Variants in RSBN1 observed in about 807,000 individuals in gnomAD.
The protein encoded by RSBN1 is lysine-specific demethylase 9.
In RSBN1, 23 loss-of-function variants were observed where a neutral mutation model predicts 74.8. The observed-to-expected ratio is 0.31, with a 90% CI of 0.22 to 0.44. RSBN1 has a LOEUF of 0.44. RSBN1 is among the 20% of genes least tolerant of loss of function. The probability of loss-of-function intolerance (pLI) is 1.00; values close to 1 mark genes in which losing one functional copy is unlikely to be tolerated. For synonymous variants in RSBN1, 407 were observed against 379.6 expected (o/e 1.07, Z -0.84); for missense variants, 808 against 1,020.9 (o/e 0.79, Z 2.84).
chr1:113,770,818 T>C (rs948396031), intron 4 of RSBN1, among the ~76,000 whole-genome samples: 2 of 151,912 alleles, frequency 1.3e-5, no homozygotes, highest in Middle Eastern at 3.4e-3. Context: ...AAAGAAAGGT[T>C]AGAAGACAAA....
chr1:113,792,473 C>T (rs1264979732), intron 2 of RSBN1, among the ~76,000 whole-genome samples: 2 of 152,128 alleles, frequency 1.3e-5, no homozygotes, highest in Non-Finnish European at 2.9e-5. Context: ...GAGGCCAAAG[C>T]AGGAGAATCC....
At position 113,763,833 on chromosome 1, in the gene RSBN1, G is replaced by A. The variant is rs1396866237; in HGVS notation, c.*2147C>T. The A allele has an allele frequency of 6.6e-6, 1 of 152,538 alleles. No homozygotes were observed. Among genetic ancestry groups the A allele is most frequent in the Non-Finnish European group, 1.5e-5 (1 of 68,010 alleles). 9.4% of individuals were successfully genotyped at this position (152,538 alleles called of 1,614,324 possible). On this transcript the variant is annotated 3_prime_UTR_variant, in exon 7 of 7. Transcript: ENST00000261441. Reference sequence around the variant, plus strand: ...GATAATACACAGTGCTGGCTGTCAGGAGACAGTCTCCTTGTTTATTAGCAA... The same window carrying A: ...GATAATACACAGTGCTGGCTGTCAGAAGACAGTCTCCTTGTTTATTAGCAA...
chr1:113,781,467 T>C (rs1340162749), intron 2 of RSBN1, among the ~76,000 whole-genome samples: 2 of 152,170 alleles, frequency 1.3e-5, no homozygotes, highest in Non-Finnish European at 2.9e-5. Flanking sequence ...TGTTGCAGAG[T>C]TGGCCCAGTT....
At chr1:113,782,503 G>A (rs1195432184) in intron 2 of RSBN1, among the ~76,000 whole-genome samples, 1 of 152,196 alleles carries the variant, frequency 6.6e-6, no homozygotes, top group Non-Finnish European at 1.5e-5. Flanking sequence ...GAGTTAAGAA[G>A]TAATGCAATT....
At chr1:113,811,015 T>C (rs1451473084) in intron 1 of RSBN1, among the ~76,000 whole-genome samples, 1 of 152,168 alleles carries the variant, frequency 6.6e-6, no homozygotes, top group Non-Finnish European at 1.5e-5. Flanking sequence ...CTAGACAGAA[T>C]CAAATGCAAC....
At chr1:113,768,119 T>C (rs1659818584) in intron 5 of RSBN1, 103 bp downstream of exon 5, 1 of 977,044 alleles carries the variant, frequency 1.0e-6, no homozygotes, top group African/African-American at 1.6e-5. Flanking sequence ...ACTTTATGTG[T>C]ATTTTACCAC....
intron 2 of RSBN1, among the ~76,000 whole-genome samples, chr1:113,792,999 C>CTA (rs751886978): frequency 1.5e-3 from 230 of 152,212 alleles, no homozygotes; most frequent in Non-Finnish European, 2.7e-3. Context: ...AAAGAAAACC[C>CTA]TATATGTGGA....
chr1:113,807,011 C>CA (rs1434946855), intron 1 of RSBN1, among the ~76,000 whole-genome samples: 1 of 151,384 alleles, frequency 6.6e-6, no homozygotes, highest in Non-Finnish European at 1.5e-5. Context: ...AGACCCTCCC[C>CA]AAAAAAACAA....
At chr1:113,767,038 TA>T in intron 6 of RSBN1, 60 bp downstream of exon 6, 1 of 896,466 alleles carries the variant, frequency 1.1e-6, no homozygotes, top group Non-Finnish European at 1.7e-6. Context: ...AAATTCAAAA[TA>T]AAATGGGTAT....
intron 4 of RSBN1, among the ~76,000 whole-genome samples, chr1:113,771,683 A>T (rs551781215): frequency 4.6e-5 from 7 of 151,786 alleles, no homozygotes; most frequent in Non-Finnish European, 1.0e-4. Context: ...TTCTGGAAGA[A>T]AGTAATGTAC....
chr1:113,799,565 TAC>T (rs66958734), intron 1 of RSBN1, among the ~76,000 whole-genome samples: 9,050 of 141,816 alleles, frequency 0.064, 390 homozygotes, highest in African/African-American at 0.11. Flanking sequence ...ATAGATGCTT[TAC>T]ACACACACAC....
At chr1:113,795,031 A>G (rs1660443164) in intron 2 of RSBN1, among the ~76,000 whole-genome samples, 1 of 152,246 alleles carries the variant, frequency 6.6e-6, no homozygotes, top group South Asian at 2.1e-4. Flanking sequence ...AAAAGACTTC[A>G]GGTAAGTCCA....
chr1:113,766,149 C>A lies in RSBN1; in HGVS notation c.2240G>T (p.Cys747Phe). 1 of 1,614,068 alleles carries A rather than the reference C, an allele frequency of 6.2e-7. No homozygotes were observed. The change falls in exon 7 of 7, where the codon TGC becomes TTC. Residue 747 changes from cysteine to phenylalanine, a missense_variant. Cys to Phe is a radical substitution (Grantham distance 205, BLOSUM62 -2). Around this residue, in one of 6 missense-constraint regions of RSBN1, gnomAD observed 91 missense variants for 99.6 expected, o/e 0.91. Coordinates refer to ENST00000261441, the MANE Select transcript of RSBN1 (RefSeq NM_018364.5). Reference sequence around the variant, plus strand: ...AGTTGTTAACAGCTGAATCTCTGTGCATGCTTCTTCAGATTCAGTTTTTAT... The same window carrying A: ...AGTTGTTAACAGCTGAATCTCTGTGAATGCTTCTTCAGATTCAGTTTTTAT... ...VRIKTESEEA[C>F]TEIQLLTTAS...
chr1:113,768,183 AATAT>A (rs759358765), intron 5 of RSBN1, 35 bp downstream of exon 5: 1 of 1,546,326 alleles, frequency 6.5e-7, no homozygotes, highest in South Asian at 1.2e-5. Flanking sequence ...TGTCTTATAC[AATAT>A]TAACCAACCT....
chr1:113,768,164 A>G (rs1659819255), intron 5 of RSBN1, 58 bp downstream of exon 5: 1 of 1,393,104 alleles, frequency 7.2e-7, no homozygotes, highest in African/African-American at 1.4e-5. Context: ...TTTTAAATAG[A>G]GTCCACATTG....
chr1:113,801,963 C>CTT (rs575070721), intron 1 of RSBN1, among the ~76,000 whole-genome samples: 6 of 144,448 alleles, frequency 4.2e-5, no homozygotes, highest in South Asian at 2.2e-4. Flanking sequence ...TTATTAAGTT[C>CTT]TTTTTTTTTT....
At chr1:113,788,071 G>A (rs1660286197) in intron 2 of RSBN1, among the ~76,000 whole-genome samples, 1 of 152,034 alleles carries the variant, frequency 6.6e-6, no homozygotes, top group South Asian at 2.1e-4. Context: ...GAAACAATAG[G>A]AAGTTATTAA....
At chr1:113,795,350 C>T (rs1452685930) in intron 2 of RSBN1, among the ~76,000 whole-genome samples, 1 of 152,212 alleles carries the variant, frequency 6.6e-6, no homozygotes, top group Non-Finnish European at 1.5e-5. Context: ...TACCTACCCA[C>T]TAGGTTGTTT....
intron 1 of RSBN1, among the ~76,000 whole-genome samples, chr1:113,810,197 C>T (rs1660800281): frequency 6.6e-6 from 1 of 152,156 alleles, no homozygotes; most frequent in Non-Finnish European, 1.5e-5. Context: ...ATTCAGGAGC[C>T]TGGGTTCTAC....
Sources: gnomAD v4.1 joint callset for allele counts (sites outside exome capture counted in the v4.1 genomes callset) on GRCh38, gnomAD v4.1.1 for gene constraint, gnomAD v4.1.1 regional missense constraint, MANE v1.5 for transcripts, NCBI Gene and HGNC (gene_info 2026-07-23, HGNC 2026-07-21) for gene names.